The following PALD1 variants were observed in gnomAD, a reference collection of about 807,000 sequenced individuals.
The protein encoded by PALD1 is paladin.
A neutral mutation model predicts 96.0 loss-of-function variants in PALD1; 57 were observed. The observed-to-expected ratio is 0.59, with a 90% confidence interval of 0.48 to 0.74. PALD1 has a LOEUF of 0.74. PALD1 is among the 30% of genes least tolerant of loss of function. The probability of loss-of-function intolerance (pLI) is 0.00; values close to 1 mark genes in which losing one functional copy is unlikely to be tolerated. For missense variants in PALD1, 1,063 were observed against 1,143.7 expected, an observed-to-expected ratio of 0.93 and a Z score of 1.02; for synonymous variants, 464 against 473.6, an observed-to-expected ratio of 0.98 and a Z score of 0.26.
chr10:70,513,837 T>C (rs1394366598), intron 1 of PALD1, among the ~76,000 whole-genome samples: 1 of 152,152 alleles, frequency 6.6e-6, no homozygotes, highest in African/African-American at 2.4e-5. Context: ...GGCAGGCAAC[T>C]AGGGGTGCTG....
At chr10:70,541,350 G>A (rs941139328) in intron 16 of PALD1, 108 bp downstream of exon 16, 51 of 1,518,182 alleles carry the variant, frequency 3.4e-5, no homozygotes, top group Admixed American at 1.4e-4. Flanking sequence ...AGAGACAGCC[G>A]GGTGTGGTCC....
chr10:70,515,680 A>G (rs1026462686), intron 1 of PALD1, among the ~76,000 whole-genome samples: 1 of 152,130 alleles, frequency 6.6e-6, no homozygotes, highest in South Asian at 2.1e-4. Flanking sequence ...GTTGCTCTGC[A>G]CACATTCACT....
At chr10:70,518,399 A>G (rs7067711) in intron 1 of PALD1, among the ~76,000 whole-genome samples, 3,558 of 152,296 alleles carry the variant, frequency 0.023, 131 homozygotes, top group African/African-American at 0.079. Context: ...GTATGTCTCC[A>G]TTAGTAAGAA....
At chr10:70,544,022 C>G (rs947886753) in intron 17 of PALD1, among the ~76,000 whole-genome samples, 28 of 152,168 alleles carry the variant, frequency 1.8e-4, no homozygotes, top group African/African-American at 6.5e-4. Context: ...TCCTCACCCA[C>G]CCCCAGATAA....
At chr10:70,476,670 T>C (rs919938326), upstream of PALD1, among the ~76,000 whole-genome samples, 3 of 152,134 alleles carry the variant, frequency 2.0e-5, no homozygotes, top group African/African-American at 4.8e-5. Context: ...CCTGAGAACA[T>C]CTTTGTCCTG....
At chr10:70,561,598 A>G (rs1417719793) in intron 18 of PALD1, among the ~76,000 whole-genome samples, 2 of 152,154 alleles carry the variant, frequency 1.3e-5, no homozygotes, top group African/African-American at 4.8e-5. Flanking sequence ...CAGCGGCCCC[A>G]GCACTTCTGT....
the PALD1 span, among the ~76,000 whole-genome samples, chr10:70,465,146 T>A: frequency 6.6e-6 from 1 of 151,876 alleles, no homozygotes; most frequent in African/African-American, 2.4e-5. Flanking sequence ...AGCTAATTTT[T>A]TGTATTTTTA....
At chr10:70,501,839 G>GTGTGTGTGTGTGTGTGTGCGCA (rs1554854872) in intron 1 of PALD1, among the ~76,000 whole-genome samples, 1 of 151,302 alleles carries the variant, frequency 6.6e-6, no homozygotes, top group Non-Finnish European at 1.5e-5. Context: ...GTGTGTGCGT[G>GTGTGTGTGTGTGTGTGTGCGCA]CGTGCATGCA....
intron 1 of PALD1, among the ~76,000 whole-genome samples, chr10:70,502,911 G>A (rs1023518796): frequency 3.3e-5 from 5 of 151,498 alleles, no homozygotes; most frequent in South Asian, 4.2e-4. Flanking sequence ...TTGGAGTTTC[G>A]CTCTTGTTGC....
chr10:70,484,928 A>G (rs936765737), intron 1 of PALD1, among the ~76,000 whole-genome samples: 2 of 152,238 alleles, frequency 1.3e-5, no homozygotes, highest in African/African-American at 4.8e-5. Context: ...AGCATCCCCC[A>G]TTCCAATATG....
chr10:70,463,046 T>C, the PALD1 span, among the ~76,000 whole-genome samples: 1 of 152,172 alleles, frequency 6.6e-6, no homozygotes, highest in African/African-American at 2.4e-5. Context: ...GGTGAACTCC[T>C]GGAGAGTTCA....
intron 2 of PALD1, 83 bp downstream of exon 2, chr10:70,526,219 C>G (rs1846865058): frequency 8.9e-7 from 1 of 1,127,594 alleles, no homozygotes; most frequent in African/African-American, 1.5e-5. Context: ...TGGCATACAG[C>G]ACTTAACGCT....
chr10:70,531,529 C>T (rs578220910), intron 5 of PALD1, 75 bp downstream of exon 5: 1 of 1,403,004 alleles, frequency 7.1e-7, no homozygotes, highest in African/African-American at 1.4e-5. Context: ...GGGGCCAGCT[C>T]ACCTGCTCTT....
chr10:70,497,356 G>T (rs1846212393), intron 1 of PALD1, among the ~76,000 whole-genome samples: 1 of 152,236 alleles, frequency 6.6e-6, no homozygotes, highest in African/African-American at 2.4e-5. Flanking sequence ...GACCCAGCCT[G>T]TCTGGGGCCG....
intron 1 of PALD1, among the ~76,000 whole-genome samples, chr10:70,510,038 A>G (rs763505316): frequency 6.6e-5 from 10 of 152,120 alleles, no homozygotes; most frequent in Non-Finnish European, 1.0e-4. Context: ...TTCCTGTTCA[A>G]CACTACGGGG....
Position 70,534,777 on chromosome 10 carries a change from C to T in PALD1, c.1161C>T (p.Asp387=), listed in dbSNP as rs753510825. 1 of 1,611,640 alleles carries T rather than the reference C, an allele frequency of 6.2e-7. No individual in the cohort carries two copies. Among genetic ancestry groups the T allele is most frequent in the Non-Finnish European group, 8.5e-7 (1 of 1,178,804 alleles). ...TCACTGCCTGTGCCGAGTTGCATGA[C>T]CTGAAAGAAGTGGTCTTGGAAAACC... ...RAITACAELH[D]LKEVVLENQK... The change falls in exon 10 of 20, where the codon GAC becomes GAT. Residue 387 remains aspartate, a synonymous_variant. Transcript: ENST00000263563.
chr10:70,552,854 G>A (rs1223686728), intron 18 of PALD1, among the ~76,000 whole-genome samples: 2 of 152,154 alleles, frequency 1.3e-5, no homozygotes, highest in Non-Finnish European at 2.9e-5. Flanking sequence ...TTTGGTTGAC[G>A]TGGCCCTAAG....
rs369226955 is a variant in PALD1, at chr10:70,559,876, G to A, written c.2263-4488G>A. Among the ~76,000 whole-genome samples, 148 of 152,252 alleles carry A rather than the reference G, an allele frequency of 9.7e-4. 3 individuals are homozygous for A. In the South Asian group the frequency reaches 0.029, roughly 30 times the overall value. On this transcript the variant is annotated intron_variant, in intron 18 of 19. Transcript: ENST00000263563. ...TCTGCAATCCTCAGAGTCTGTCTAG[G>A]ATCTGGATTCAAGATGATACTAGAA...
At chr10:70,466,609 A>G in the PALD1 span, among the ~76,000 whole-genome samples, 1 of 152,226 alleles carries the variant, frequency 6.6e-6, no homozygotes, top group South Asian at 2.1e-4. Flanking sequence ...TGCAACCATC[A>G]GCACCATCCA....
Sources: gnomAD v4.1 joint callset for allele counts (sites outside exome capture counted in the v4.1 genomes callset) on GRCh38, gnomAD v4.1.1 for gene constraint, MANE v1.5 for transcripts, NCBI Gene and HGNC (gene_info 2026-07-23, HGNC 2026-07-21) for gene names.